FBN2: variants seen among roughly 807,000 people sequenced by gnomAD.
FBN2 encodes the protein fibrillin 2, also known as fibrillin-2.
Under a neutral mutation model 355.6 loss-of-function variants are expected in FBN2, and 105 were observed. The observed-to-expected ratio is 0.30, with a 90% CI of 0.25 to 0.35. The LOEUF (loss-of-function observed/expected upper bound fraction) is 0.35. FBN2 is among the 10% of genes least tolerant of loss of function. FBN2 has a pLI of 1.00. For synonymous variants in FBN2, 1,350 were observed against 1,301.2 expected (o/e 1.04, Z -0.81); for missense variants, 3,280 against 3,758.7 (o/e 0.87, Z 3.33).
intron 11 of FBN2, among the ~76,000 whole-genome samples, chr5:128,391,759 A>T (rs1044030867): frequency 2.0e-5 from 3 of 152,130 alleles, no homozygotes; most frequent in African/African-American, 7.2e-5. Flanking sequence ...AAGAGTAAGC[A>T]TTTCTAAGGA....
At chr5:128,479,206 CAATT>C (rs987473632) in intron 5 of FBN2, among the ~76,000 whole-genome samples, 3 of 152,094 alleles carry the variant, frequency 2.0e-5, no homozygotes, top group African/African-American at 7.2e-5. Flanking sequence ...TATTTGTACG[CAATT>C]ACAGTCCCAA....
intron 8 of FBN2, among the ~76,000 whole-genome samples, chr5:128,399,492 A>C (rs1161441823): frequency 6.6e-6 from 1 of 152,174 alleles, no homozygotes; most frequent in African/African-American, 2.4e-5. Context: ...TTTTTTGATA[A>C]ACAAAATGTT....
chr5:128,361,708 G>A lies in FBN2; in HGVS notation c.2554+15C>T. 1 of 1,614,080 alleles carries A rather than the reference G, an allele frequency of 6.2e-7. No individual in the cohort carries two copies. Among genetic ancestry groups the A allele is most frequent in the Non-Finnish European group, 8.5e-7 (1 of 1,179,920 alleles). ...ACTCACTATGCACAAATAAGGCGATGAAGACAGCTCTTACCTTCACAGGTC... is the reference window on the plus strand; with the variant it reads ...ACTCACTATGCACAAATAAGGCGATAAAGACAGCTCTTACCTTCACAGGTC... On this transcript the variant is annotated intron_variant, in intron 19 of 64. Coordinates refer to ENST00000262464, the MANE Select transcript of FBN2 (RefSeq NM_001999.4).
At chr5:128,486,576 G>A (rs557854997) in intron 5 of FBN2, among the ~76,000 whole-genome samples, 2 of 152,152 alleles carry the variant, frequency 1.3e-5, no homozygotes, top group African/African-American at 2.4e-5. Context: ...TTCCTATGCA[G>A]GGCCCCTTAC....
chr5:128,498,908 T>C (rs1242603184), intron 5 of FBN2, among the ~76,000 whole-genome samples: 2 of 152,198 alleles, frequency 1.3e-5, no homozygotes, highest in African/African-American at 4.8e-5. Flanking sequence ...GGATTTTCCT[T>C]TTTAAAAAAC....
At chr5:128,294,633 C>T (rs1749447522) in intron 48 of FBN2, among the ~76,000 whole-genome samples, 2 of 147,480 alleles carry the variant, frequency 1.4e-5, no homozygotes, top group Non-Finnish European at 3.0e-5. Context: ...GCATAAATGT[C>T]TTCTTTTGAG....
intron 28 of FBN2, 51 bp from the exon 29 acceptor site, chr5:128,335,628 A>G: frequency 1.9e-6 from 3 of 1,610,964 alleles, no homozygotes; most frequent in Non-Finnish European, 2.5e-6. Flanking sequence ...CCTTAAAAGG[A>G]GTTTTCTTCT....
rs141707850 is a variant in FBN2 at position 128,290,843 on chromosome 5, T to C, written c.6334A>G (p.Lys2112Glu). The C allele has an allele frequency of 2.0e-4, 318 of 1,614,070 alleles. No homozygotes were observed. Among genetic ancestry groups the C allele is most frequent in the Non-Finnish European group, 2.3e-4 (277 of 1,179,952 alleles). The change falls in exon 50 of 65, where the codon AAG becomes GAG. Residue 2112 changes from lysine to glutamate, a missense_variant. Physicochemically the swap from Lys to Glu is moderately conservative, Grantham distance 56 (BLOSUM62 1). Coordinates refer to ENST00000262464, the MANE Select transcript of FBN2 (RefSeq NM_001999.4). ...TTGAAAGCTTTGGGTACAGAACACT[T>C]TCCATTTTCAAAATTTGTGAAGCAG... ...SFCFTNFENG[K>E]CSVPKAFNTT...
rs1750804898 is a variant in FBN2, at chr5:128,335,273, A to G, written c.3870T>C (p.Asn1290=). 1 of 1,614,060 alleles carries G rather than the reference A, an allele frequency of 6.2e-7. No individual in the cohort carries two copies. The highest frequency in any genetic ancestry group is 1.1e-5 in the South Asian group (1 of 91,090). ...SCADIDECEN[N]PDICDGGQCT... is the part of the protein sequence containing the mutation. ...ACTGGCCGCCATCACAGATATCAGGATTGTTTTCACATTCATCAATGTCTG... is the reference window on the plus strand; with the variant it reads ...ACTGGCCGCCATCACAGATATCAGGGTTGTTTTCACATTCATCAATGTCTG... Residue 1290 remains asparagine (N), a synonymous_variant, in exon 30 of 65, where the codon AAT becomes AAC. Coordinates refer to ENST00000262464, the MANE Select transcript of FBN2 (RefSeq NM_001999.4).
intron 5 of FBN2, among the ~76,000 whole-genome samples, chr5:128,480,927 C>A (rs1755166590): frequency 1.3e-5 from 2 of 151,412 alleles, no homozygotes; most frequent in African/African-American, 4.8e-5. Flanking sequence ...GGCTTTGATC[C>A]TCCTAATTAC....
chr5:128,490,590 T>C (rs1755473728), intron 5 of FBN2, among the ~76,000 whole-genome samples: 2 of 152,210 alleles, frequency 1.3e-5, no homozygotes, highest in Admixed American at 6.5e-5. Flanking sequence ...GCATAAGTGA[T>C]TACACAGGTT....
intron 62 of FBN2, among the ~76,000 whole-genome samples, chr5:128,266,391 A>T (rs60878966): frequency 2.6e-5 from 4 of 152,182 alleles, no homozygotes; most frequent in African/African-American, 4.8e-5. Context: ...TCCTCTGCTC[A>T]TGGAGTTTCT....
chr5:128,336,332 A>G (rs1214961494), intron 27 of FBN2, among the ~76,000 whole-genome samples: 2 of 152,188 alleles, frequency 1.3e-5, no homozygotes, highest in African/African-American at 4.8e-5. Context: ...ACTGCTCCCA[A>G]ATCTATGCGG....
intron 36 of FBN2, among the ~76,000 whole-genome samples, chr5:128,313,385 T>C (rs926113142): frequency 3.3e-5 from 5 of 152,192 alleles, no homozygotes; most frequent in African/African-American, 1.2e-4. Context: ...CTTCTACCAA[T>C]TGCCTATTTC....
intron 31 of FBN2, among the ~76,000 whole-genome samples, chr5:128,333,739 T>C (rs1203921932): frequency 6.6e-6 from 1 of 151,914 alleles, no homozygotes; most frequent in African/African-American, 2.4e-5. Flanking sequence ...CCTATATATG[T>C]ATGTATAACC....
At chr5:128,368,879 C>T (rs1751856083) in intron 16 of FBN2, among the ~76,000 whole-genome samples, 1 of 151,526 alleles carries the variant, frequency 6.6e-6, no homozygotes, top group African/African-American at 2.4e-5. Flanking sequence ...GGGTCTCACC[C>T]TGGCTTCAAG....
rs201496958 is a variant in FBN2, at chr5:128,272,213, GAACA to G, written c.7841-99_7841-96del. The G allele has an allele frequency of 5.0e-4, 693 of 1,395,226 alleles. 2 individuals carry two copies. In the African/African-American group the frequency reaches 8.1e-3, roughly 16 times the overall value. 86.4% of individuals were successfully genotyped at this position (1,395,226 alleles called of 1,614,324 possible). A position where few individuals can be genotyped will look rare whatever the true frequency, so the allele number is the denominator to read the frequency against. Reference sequence around the variant, plus strand: ...AAACCTGGGGTAACTGTTATCATGGGAACAAACAAACAAACAAGACATGACACAT... The same window carrying G: ...AAACCTGGGGTAACTGTTATCATGGGAACAAACAAACAAGACATGACACAT... On this transcript the variant is annotated intron_variant, in intron 61 of 64. Transcript: ENST00000262464.
chr5:128,281,033 T>C (rs1276085071), intron 55 of FBN2, among the ~76,000 whole-genome samples: 1 of 152,172 alleles, frequency 6.6e-6, no homozygotes, highest in Non-Finnish European at 1.5e-5. Context: ...CCTTTCATCT[T>C]TATACTTAAA....
chr5:128,491,335 T>C (rs1436586205), intron 5 of FBN2, among the ~76,000 whole-genome samples: 2 of 152,232 alleles, frequency 1.3e-5, no homozygotes, highest in Non-Finnish European at 2.9e-5. Context: ...AAGAGCTTTT[T>C]AGAACATTGT....
Sources: allele counts gnomAD v4.1 joint callset (sites outside exome capture counted in the v4.1 genomes callset), GRCh38; gene constraint gnomAD v4.1.1; transcripts MANE v1.5; gene names NCBI Gene and HGNC (gene_info 2026-07-23, HGNC 2026-07-21).